Variants in NEDD4L observed in about 807,000 individuals in gnomAD.
NEDD4L encodes NEDD4 like E3 ubiquitin protein ligase, also known as E3 ubiquitin-protein ligase NEDD4-like.
A neutral mutation model predicts 148.9 loss-of-function variants in NEDD4L; 54 were observed. The ratio of observed to expected loss-of-function variants is 0.36; its 90% CI spans 0.29 to 0.45. The LOEUF (loss-of-function observed/expected upper bound fraction) is 0.45. Ranked by LOEUF, NEDD4L falls within the 20% of genes least tolerant of loss-of-function variation. The pLI is 1.00. For synonymous variants in NEDD4L, 433 were observed against 440.7 expected (o/e 0.98, Z 0.22); for missense variants, 856 against 1,233.8 (o/e 0.69, Z 4.59).
intron 9 of NEDD4L, among the ~76,000 whole-genome samples, chr18:58,328,489 A>G (rs4058287): frequency 0.52 from 78,554 of 152,096 alleles, 20,421 homozygotes; most frequent in South Asian, 0.64. Context: ...AAAAAAATTC[A>G]TGTTGGATCA....
intron 5 of NEDD4L, among the ~76,000 whole-genome samples, chr18:58,287,494 G>A (rs997146222): frequency 6.6e-5 from 10 of 152,084 alleles, no homozygotes; most frequent in Non-Finnish European, 7.4e-5. Flanking sequence ...AGTTCACCTC[G>A]GCACCACAGC....
Position 58,142,937 on chromosome 18 carries a change from A to G in NEDD4L, c.49-22851A>G, listed in dbSNP as rs192866640. Among the ~76,000 whole-genome samples the G allele has an allele frequency of 1.7e-3, 261 of 152,112 alleles. 1 individual carries two copies. The highest frequency in any genetic ancestry group is 2.8e-3 in the Non-Finnish European group (189 of 67,990). On this transcript the variant is annotated intron_variant, in intron 1 of 30. Transcript: ENST00000400345. Reference sequence around the variant, plus strand: ...TCTGGACGCTGGCAGGGTCCTTAGCAATGGAGGGAGGGAGAGGGGGTCCAG... The same window carrying G: ...TCTGGACGCTGGCAGGGTCCTTAGCGATGGAGGGAGGGAGAGGGGGTCCAG...
At chr18:58,234,102 T>TTTCTTTC (rs1158163084) in intron 2 of NEDD4L, among the ~76,000 whole-genome samples, 5,420 of 76,080 alleles carry the variant, frequency 0.071, 146 homozygotes, top group East Asian at 0.098. Context: ...TCTTTCTTTC[T>TTTCTTTC]TTTCTTTTCT....
chr18:58,101,856 G>A (rs1382155090), intron 1 of NEDD4L, among the ~76,000 whole-genome samples: 1 of 152,110 alleles, frequency 6.6e-6, no homozygotes, highest in African/African-American at 2.4e-5. Flanking sequence ...GTGTCATGTT[G>A]GGTGCTTTTT....
rs374472946 is a variant in NEDD4L, at chr18:58,341,064, G to A, written c.1152G>A (p.Thr384=). 8.7e-6 allele frequency: 14 copies of A among 1,610,594 alleles called. No homozygotes were observed. Among genetic ancestry groups the A allele is most frequent in the African/African-American group, 8.0e-5 (6 of 74,948 alleles). Residue 384 remains threonine (T), a synonymous_variant, in exon 14 of 31, where the codon ACG becomes ACA. Transcript: ENST00000400345. ...CATCAGTGGCCTATGTACATACCAC[G>A]CCGGGTCTGCCTTCAGGCTGGGAAG... The part of the protein sequence containing the change: ...PTPSVAYVHT[T]PGLPSGWEER...
rs80033701 is a variant in NEDD4L, at chr18:58,051,311, T to C, written c.48+6603T>C. Among the ~76,000 whole-genome samples, 466 of 152,296 alleles carry C rather than the reference T, an allele frequency of 3.1e-3. 3 individuals carry two copies. The highest frequency in any genetic ancestry group is 0.01 in the African/African-American group (418 of 41,560). ...ACCCCAAAGAAGAACTCCCAACATATTAAAAGTCATTGAGTTTTGTACCCT... is the reference window on the plus strand; with the variant it reads ...ACCCCAAAGAAGAACTCCCAACATACTAAAAGTCATTGAGTTTTGTACCCT... On this transcript the variant is annotated intron_variant, in intron 1 of 30. Coordinates refer to ENST00000400345, the MANE Select transcript of NEDD4L (RefSeq NM_001144967.3).
chr18:58,337,274 A>G (rs1235323021), intron 13 of NEDD4L, among the ~76,000 whole-genome samples: 1 of 152,206 alleles, frequency 6.6e-6, no homozygotes, highest in Non-Finnish European at 1.5e-5. Flanking sequence ...TGGTAGATGT[A>G]GATAGATCTC....
In NEDD4L at chr18:58,281,763, C is replaced by T. The variant is rs570756821; in HGVS notation, c.297+29709C>T. Among the ~76,000 whole-genome samples, 4 of 152,130 alleles carry T rather than the reference C, an allele frequency of 2.6e-5. No homozygotes were observed. In the East Asian group the frequency reaches 7.7e-4, roughly 29 times the overall value. On this transcript the variant is annotated intron_variant, in intron 5 of 30. Transcript: ENST00000400345. ...AATGTTGGCTGGGCGCGGTGGCTCACACCTGTGATCCCAGCACTTTGGGAA... is the reference window on the plus strand; with the variant it reads ...AATGTTGGCTGGGCGCGGTGGCTCATACCTGTGATCCCAGCACTTTGGGAA...
chr18:58,221,822 T>A (rs2043807533), intron 2 of NEDD4L: 1 of 673,206 alleles, frequency 1.5e-6, no homozygotes, highest in South Asian at 6.6e-5. Context: ...TTGGTGTGAG[T>A]TTGATGTTGG....
At chr18:58,116,189 A>G (rs2085825347) in intron 1 of NEDD4L, among the ~76,000 whole-genome samples, 1 of 152,238 alleles carries the variant, frequency 6.6e-6, no homozygotes, top group Non-Finnish European at 1.5e-5. Context: ...CTTCTTCCAG[A>G]CAGCACGCTC....
chr18:58,177,143 C>T (rs572153602), intron 2 of NEDD4L, among the ~76,000 whole-genome samples: 2 of 152,164 alleles, frequency 1.3e-5, no homozygotes, highest in African/African-American at 4.8e-5. Flanking sequence ...CTCCTCATTC[C>T]TTCCTCTCCT....
chr18:58,151,579 G>T (rs963166333), intron 1 of NEDD4L, among the ~76,000 whole-genome samples: 20 of 148,506 alleles, frequency 1.3e-4, no homozygotes, highest in Non-Finnish European at 2.5e-4. Context: ...ACCATAGCAT[G>T]GTAATTAAAG....
intron 1 of NEDD4L, among the ~76,000 whole-genome samples, chr18:58,080,494 A>G (rs1289139324): frequency 1.3e-5 from 2 of 152,190 alleles, no homozygotes; most frequent in Non-Finnish European, 2.9e-5. Flanking sequence ...GTGAGAGGCT[A>G]TATATTCATT....
intron 5 of NEDD4L, among the ~76,000 whole-genome samples, chr18:58,287,866 G>C (rs1465708025): frequency 1.3e-5 from 2 of 152,148 alleles, no homozygotes; most frequent in Admixed American, 6.5e-5. Flanking sequence ...TTTTCTAACA[G>C]AGGGTGGGGC....
intron 1 of NEDD4L, among the ~76,000 whole-genome samples, chr18:58,137,732 C>T (rs564401024): frequency 1.4e-4 from 22 of 152,192 alleles, no homozygotes; most frequent in African/African-American, 5.1e-4. Context: ...CATACCCTGT[C>T]GCTACCACAT....
intron 1 of NEDD4L, among the ~76,000 whole-genome samples, chr18:58,159,873 G>A (rs900883032): frequency 1.3e-5 from 2 of 152,170 alleles, no homozygotes; most frequent in Non-Finnish European, 2.9e-5. Context: ...ATTTAGGTAA[G>A]AGTGACAAAA....
intron 5 of NEDD4L, among the ~76,000 whole-genome samples, chr18:58,264,484 C>G (rs62094544): frequency 1.2e-4 from 18 of 151,838 alleles, no homozygotes; most frequent in African/African-American, 4.1e-4. Flanking sequence ...TGAGAACTTT[C>G]CTTTTTAAAA....
intron 5 of NEDD4L, among the ~76,000 whole-genome samples, chr18:58,279,605 G>C (rs2052691343): frequency 6.6e-6 from 1 of 152,194 alleles, no homozygotes; most frequent in Non-Finnish European, 1.5e-5. Context: ...CTATGCAGTG[G>C]TGTCAGTAGG....
At chr18:58,230,470 ACT>A (rs1284538405) in intron 2 of NEDD4L, among the ~76,000 whole-genome samples, 1 of 150,404 alleles carries the variant, frequency 6.6e-6, no homozygotes, top group Non-Finnish European at 1.5e-5. Context: ...TGAGCTTATA[ACT>A]CAAGACACTA....
Sources: gnomAD v4.1 joint callset for allele counts (sites outside exome capture counted in the v4.1 genomes callset) on GRCh38, gnomAD v4.1.1 for gene constraint, MANE v1.5 for transcripts, NCBI Gene and HGNC (gene_info 2026-07-23, HGNC 2026-07-21) for gene names.